Variants in DOK5 observed in about 807,000 individuals in gnomAD.
DOK5 encodes the protein docking protein 5.
In DOK5, 27 loss-of-function variants were observed where a neutral mutation model predicts 43.3. The ratio of observed to expected loss-of-function variants is 0.62; its 90% CI spans 0.46 to 0.86. The LOEUF (loss-of-function observed/expected upper bound fraction) is 0.86. Among genes scored for constraint, DOK5 ranks in the 40% least tolerant of loss-of-function variants. DOK5 has a pLI of 0.00. For synonymous variants in DOK5, 146 were observed against 140.1 expected, an observed-to-expected ratio of 1.04 and a Z score of -0.30; for missense variants, 373 against 392.9, an observed-to-expected ratio of 0.95 and a Z score of 0.43.
Position 54,591,604 on chromosome 20 carries a change from T to C in DOK5, c.410-12T>C, listed in dbSNP as rs1182202940. 9.0e-6 allele frequency: 14 copies of C among 1,559,670 alleles called. No individual in the cohort carries two copies. Among genetic ancestry groups the C allele is most frequent in the Non-Finnish European group, 1.2e-5 (14 of 1,150,462 alleles). On this transcript the variant is annotated splice_polypyrimidine_tract_variant and intron_variant, in intron 4 of 7. Transcript: ENST00000262593. Reference sequence around the variant, plus strand: ...CTGGGGATTTTAGACTAACCTTTTGTTTTTCTCCCAGAGAGATTCAATGTG... The same window carrying C: ...CTGGGGATTTTAGACTAACCTTTTGCTTTTCTCCCAGAGAGATTCAATGTG...
chr20:54,535,915 T>G lies in DOK5; in HGVS notation c.67-19018T>G, dbSNP rs577836957. On this transcript the variant is annotated intron_variant, in intron 1 of 7. Coordinates refer to ENST00000262593, the MANE Select transcript of DOK5 (RefSeq NM_018431.5). ...GGCATGTTTGGAAATGTCAGGCCTA[T>G]TCTGAGGCTTTTGATCCAAGGGCCT... Among the ~76,000 whole-genome samples the G allele has an allele frequency of 3.3e-5, 5 of 152,370 alleles. 1 individual carries two copies. In the East Asian group the frequency reaches 9.6e-4, roughly 29 times the overall value.
At chr20:54,579,630 C>T (rs1985570407) in intron 2 of DOK5, among the ~76,000 whole-genome samples, 1 of 152,094 alleles carries the variant, frequency 6.6e-6, no homozygotes, top group Admixed American at 6.5e-5. Context: ...CTTTAGATAA[C>T]CTCATATAAG....
chr20:54,504,114 C>T (rs924807186), intron 1 of DOK5, among the ~76,000 whole-genome samples: 2 of 152,096 alleles, frequency 1.3e-5, no homozygotes, highest in African/African-American at 2.4e-5. Context: ...CGGGGAAGCT[C>T]ACCTTCACCT....
intron 1 of DOK5, among the ~76,000 whole-genome samples, chr20:54,517,962 C>T (rs184777515): frequency 5.3e-4 from 80 of 152,174 alleles, no homozygotes; most frequent in Admixed American, 1.6e-3. Context: ...GTTTATAAGC[C>T]ATCCAGTTTA....
chr20:54,543,915 T>G (rs115006700), intron 1 of DOK5, among the ~76,000 whole-genome samples: 1,680 of 152,304 alleles, frequency 0.011, 37 homozygotes, highest in African/African-American at 0.039. Flanking sequence ...GAGAGCCCTA[T>G]TCCCATACCT....
chr20:54,634,648 A>T (rs1321033537), intron 6 of DOK5, among the ~76,000 whole-genome samples: 5 of 151,666 alleles, frequency 3.3e-5, no homozygotes, highest in Non-Finnish European at 5.9e-5. Flanking sequence ...TCACCGTGTT[A>T]GCCAGGATGG....
chr20:54,557,673 C>A (rs924573439), intron 2 of DOK5, among the ~76,000 whole-genome samples: 1 of 152,182 alleles, frequency 6.6e-6, no homozygotes, highest in African/African-American at 2.4e-5. Context: ...GCCCTTTATA[C>A]CTGCTCTTCC....
Position 54,489,264 on chromosome 20 carries a change from C to T in DOK5, c.66+13252C>T, listed in dbSNP as rs6014031. On this transcript the variant is annotated intron_variant, in intron 1 of 7. Transcript: ENST00000262593. The stretch of plus-strand genomic sequence containing the variant: ...TAATATGTACCCTTGGTACAAAATT[C>T]GAGGATACAAAGTTTATACACCAAA... 2.1e-4 allele frequency among the ~76,000 whole-genome samples: 32 copies of T among 152,196 alleles called. 1 individual carries two copies. The highest frequency in any genetic ancestry group is 7.2e-4 in the African/African-American group (30 of 41,542).
intron 5 of DOK5, among the ~76,000 whole-genome samples, chr20:54,593,608 C>T (rs549843131): frequency 6.6e-6 from 1 of 152,274 alleles, no homozygotes; most frequent in African/African-American, 2.4e-5. Context: ...AGGAGGATTG[C>T]TTGAGCCCAG....
chr20:54,572,909 T>G (rs1005542608), intron 2 of DOK5, among the ~76,000 whole-genome samples: 2 of 152,192 alleles, frequency 1.3e-5, no homozygotes, highest in Non-Finnish European at 2.9e-5. Context: ...GATGCCAATA[T>G]TCACCTCTGG....
chr20:54,485,717 T>G (rs1981905668), intron 1 of DOK5, among the ~76,000 whole-genome samples: 1 of 152,248 alleles, frequency 6.6e-6, no homozygotes, highest in African/African-American at 2.4e-5. Flanking sequence ...GTGTCTAGTT[T>G]TTAAAGAAAC....
At chr20:54,507,545 C>G (rs1379910266) in intron 1 of DOK5, among the ~76,000 whole-genome samples, 1 of 152,208 alleles carries the variant, frequency 6.6e-6, no homozygotes, top group Non-Finnish European at 1.5e-5. Flanking sequence ...TTCTTTTCAG[C>G]CTAGCCACAT....
intron 1 of DOK5, among the ~76,000 whole-genome samples, chr20:54,489,548 T>C (rs1982082360): frequency 1.3e-5 from 2 of 152,174 alleles, no homozygotes; most frequent in Admixed American, 6.5e-5. Context: ...TGGATATATC[T>C]TATATATTTT....
chr20:54,526,618 A>G (rs1461602851), intron 1 of DOK5, among the ~76,000 whole-genome samples: 3 of 152,206 alleles, frequency 2.0e-5, no homozygotes, highest in African/African-American at 4.8e-5. Flanking sequence ...CCCAAAATTT[A>G]AGAACACAAA....
At chr20:54,579,431 TAAC>T (rs1303635308) in intron 2 of DOK5, among the ~76,000 whole-genome samples, 1 of 151,992 alleles carries the variant, frequency 6.6e-6, no homozygotes, top group African/African-American at 2.4e-5. Context: ...CTTACCCACT[TAAC>T]AAACTCTTAA....
intron 7 of DOK5, among the ~76,000 whole-genome samples, chr20:54,649,002 A>C (rs1979573606): frequency 3.3e-5 from 5 of 152,202 alleles, no homozygotes; most frequent in Non-Finnish European, 5.9e-5. Flanking sequence ...CAAAACAAAA[A>C]CAAGAAAAAC....
intron 2 of DOK5, among the ~76,000 whole-genome samples, chr20:54,584,925 T>A (rs1189723135): frequency 6.6e-6 from 1 of 152,162 alleles, no homozygotes; most frequent in African/African-American, 2.4e-5. Context: ...GACTATTATG[T>A]CTTGCCTTGG....
intron 2 of DOK5, among the ~76,000 whole-genome samples, chr20:54,559,266 A>G (rs990926909): frequency 1.3e-5 from 2 of 152,194 alleles, no homozygotes; most frequent in Non-Finnish European, 2.9e-5. Context: ...TTTTGAGACC[A>G]AGGCAAATGG....
intron 1 of DOK5, among the ~76,000 whole-genome samples, chr20:54,500,156 A>G (rs1385830652): frequency 6.6e-6 from 1 of 152,214 alleles, no homozygotes; most frequent in Non-Finnish European, 1.5e-5. Flanking sequence ...TGAATGCCAT[A>G]CAACTGACTT....
Sources: gnomAD v4.1 joint callset for allele counts (sites outside exome capture counted in the v4.1 genomes callset) on GRCh38, gnomAD v4.1.1 for gene constraint, MANE v1.5 for transcripts, NCBI Gene and HGNC (gene_info 2026-07-23, HGNC 2026-07-21) for gene names.